The following TRAPPC9 variants were observed in gnomAD, a reference collection of about 807,000 sequenced individuals.
TRAPPC9 encodes trafficking protein particle complex subunit 9.
Under a neutral mutation model 124.0 loss-of-function variants are expected in TRAPPC9, and 83 were observed. That is an observed-to-expected ratio of 0.67 (90% confidence interval 0.56 to 0.80). The LOEUF is 0.80. Among genes scored for constraint, TRAPPC9 ranks in the 30% least tolerant of loss-of-function variants. The pLI is 0.00. For missense variants in TRAPPC9, 1,302 were observed against 1,508.3 expected, an observed-to-expected ratio of 0.86 and a Z score of 2.27; for synonymous variants, 638 against 617.5, an observed-to-expected ratio of 1.03 and a Z score of -0.49.
intron 20 of TRAPPC9, among the ~76,000 whole-genome samples, chr8:139,902,338 C>T (rs57779435): frequency 5.3e-4 from 80 of 152,290 alleles, no homozygotes; most frequent in African/African-American, 1.7e-3. Context: ...CCCACCTTAC[C>T]CTCCAGCCCA....
chr8:140,036,287 G>A (rs1189481802), intron 17 of TRAPPC9, among the ~76,000 whole-genome samples: 1 of 152,124 alleles, frequency 6.6e-6, no homozygotes, highest in South Asian at 2.1e-4. Context: ...AGGCTAAAGA[G>A]GAGGTGCCAA....
intron 7 of TRAPPC9, among the ~76,000 whole-genome samples, chr8:140,385,756 C>CTTCTG (rs2068738971): frequency 6.6e-6 from 1 of 152,214 alleles, no homozygotes; most frequent in Non-Finnish European, 1.5e-5. Flanking sequence ...GAGCTGGTAC[C>CTTCTG]ATTCCTTCTG....
intron 11 of TRAPPC9, among the ~76,000 whole-genome samples, chr8:140,299,085 G>A (rs2065892245): frequency 1.3e-5 from 2 of 152,210 alleles, no homozygotes; most frequent in African/African-American, 4.8e-5. Flanking sequence ...TGAGGGAGGG[G>A]GCATTTGAAC....
chr8:139,860,232 C>T (rs193081905), intron 21 of TRAPPC9, among the ~76,000 whole-genome samples: 89 of 152,324 alleles, frequency 5.8e-4, no homozygotes, highest in Non-Finnish European at 9.7e-4. Flanking sequence ...AAGCCCACAT[C>T]ATCTTCAAAA....
chr8:140,324,128 G>A (rs1588151357), intron 9 of TRAPPC9, among the ~76,000 whole-genome samples: 1 of 152,154 alleles, frequency 6.6e-6, no homozygotes, highest in East Asian at 1.9e-4. Flanking sequence ...CCACTTACGA[G>A]TGAGAACATA....
intron 21 of TRAPPC9, among the ~76,000 whole-genome samples, chr8:139,828,612 C>G (rs1825785924): frequency 6.6e-6 from 1 of 152,192 alleles, no homozygotes. Flanking sequence ...ATATTTGTTG[C>G]TTGAGTTCCC....
intron 7 of TRAPPC9, among the ~76,000 whole-genome samples, chr8:140,389,969 TAG>T (rs61318099): frequency 3.9e-5 from 6 of 152,228 alleles, no homozygotes; most frequent in African/African-American, 1.4e-4. Context: ...AAGGGTAAGC[TAG>T]AGACTCAGCT....
chr8:140,165,184 T>C (rs1322189663), intron 17 of TRAPPC9, among the ~76,000 whole-genome samples: 4 of 151,862 alleles, frequency 2.6e-5, no homozygotes, highest in Non-Finnish European at 5.9e-5. Flanking sequence ...CTCTACTAAA[T>C]ATAAAAATTA....
rs757239178 is a variant in TRAPPC9, at chr8:139,996,501, T to C, written c.2700-7665A>G. ...GGAATTAAACAAGTAAATGTGAAGA[T>C]AGATTAACAGATTATCCAATGGAAA... On this transcript the variant is annotated intron_variant, in intron 18 of 22. Coordinates refer to ENST00000438773, the MANE Select transcript of TRAPPC9 (RefSeq NM_001160372.4). Among the ~76,000 whole-genome samples the C allele has an allele frequency of 9.9e-5, 15 of 151,026 alleles. No individual in the cohort carries two copies. In the South Asian group the frequency reaches 1.7e-3, roughly 17 times the overall value.
intron 15 of TRAPPC9, among the ~76,000 whole-genome samples, chr8:140,259,075 T>C (rs775832639): frequency 6.6e-6 from 1 of 152,200 alleles, no homozygotes; most frequent in Non-Finnish European, 1.5e-5. Flanking sequence ...CCGGCTGCAA[T>C]GGCACATAAC....
At chr8:140,040,036 C>T (rs1369430406) in intron 17 of TRAPPC9, 1 of 152,222 alleles carries the variant, frequency 6.6e-6, no homozygotes, top group African/African-American at 2.4e-5. Flanking sequence ...AATTCTAATA[C>T]TGACTATGTG....
At chr8:140,444,652 G>C (rs1465489974) in intron 2 of TRAPPC9, among the ~76,000 whole-genome samples, 2 of 152,078 alleles carry the variant, frequency 1.3e-5, no homozygotes, top group Non-Finnish European at 2.9e-5. Context: ...CCTGAGGTCA[G>C]GCGTTCAAGA....
intron 9 of TRAPPC9, among the ~76,000 whole-genome samples, chr8:140,337,637 G>A (rs905268966): frequency 2.0e-5 from 3 of 152,160 alleles, no homozygotes; most frequent in South Asian, 2.1e-4. Flanking sequence ...ACGTGGGTGC[G>A]GGTACCGGAT....
intron 15 of TRAPPC9, among the ~76,000 whole-genome samples, chr8:140,255,091 T>A (rs1348187757): frequency 6.6e-6 from 1 of 152,180 alleles, no homozygotes; most frequent in East Asian, 1.9e-4. Context: ...CTGGCCAAGC[T>A]CCCTCTGGAG....
chr8:140,183,808 T>C (rs560181696), intron 17 of TRAPPC9, among the ~76,000 whole-genome samples: 2 of 146,786 alleles, frequency 1.4e-5, no homozygotes, highest in Non-Finnish European at 3.0e-5. Context: ...TGAGCCAAGA[T>C]CAACTCACTG....
At chr8:140,290,822 C>T (rs2065631538) in intron 12 of TRAPPC9, among the ~76,000 whole-genome samples, 171 bp downstream of exon 12, 1 of 152,164 alleles carries the variant, frequency 6.6e-6, no homozygotes, top group Non-Finnish European at 1.5e-5. Flanking sequence ...CCTAAAGACA[C>T]AGGAATAACA....
chr8:140,349,863 C>T (rs766319149), intron 9 of TRAPPC9, among the ~76,000 whole-genome samples: 2 of 152,208 alleles, frequency 1.3e-5, no homozygotes, highest in Non-Finnish European at 2.9e-5. Context: ...AGCCCGGCAA[C>T]GGTAGCACAG....
intron 9 of TRAPPC9, among the ~76,000 whole-genome samples, chr8:140,350,637 T>C (rs1043194700): frequency 6.6e-6 from 1 of 151,792 alleles, no homozygotes; most frequent in African/African-American, 2.4e-5. Context: ...GGTGGTCTCC[T>C]GGAGAAGACG....
intron 17 of TRAPPC9, among the ~76,000 whole-genome samples, chr8:140,220,811 G>C (rs562357271): frequency 3.3e-5 from 5 of 152,342 alleles, no homozygotes; most frequent in Non-Finnish European, 7.3e-5. Context: ...ACACAAGTGT[G>C]CCTGAAAGTG....
Sources: allele counts gnomAD v4.1 joint callset (sites outside exome capture counted in the v4.1 genomes callset), GRCh38; gene constraint gnomAD v4.1.1; transcripts MANE v1.5; gene names NCBI Gene and HGNC (gene_info 2026-07-23, HGNC 2026-07-21).